Variants in SUGCT observed in about 807,000 individuals in gnomAD.
SUGCT encodes succinyl-CoA:glutarate-CoA transferase.
Under a neutral mutation model 55.0 loss-of-function variants are expected in SUGCT, and 41 were observed. That is an observed-to-expected ratio of 0.74 (90% CI 0.58 to 0.97). The LOEUF is 0.97. Ranked by LOEUF, SUGCT falls within the 50% of genes least tolerant of loss-of-function variation. SUGCT has a pLI of 0.00. For synonymous variants in SUGCT, 187 were observed against 200.4 expected, an observed-to-expected ratio of 0.93 and a Z score of 0.56; for missense variants, 568 against 547.8, an observed-to-expected ratio of 1.04 and a Z score of -0.37.
chr7:40,339,221 G>A (rs569943378), intron 9 of SUGCT, among the ~76,000 whole-genome samples: 1 of 152,304 alleles, frequency 6.6e-6, no homozygotes, highest in South Asian at 2.1e-4. Context: ...GGCAGTCTTA[G>A]CGTTCTCAGT....
At chr7:41,029,435 G>T in the SUGCT span, among the ~76,000 whole-genome samples, 1 of 152,096 alleles carries the variant, frequency 6.6e-6, no homozygotes, top group South Asian at 2.1e-4. Flanking sequence ...CACCTCTGTG[G>T]CTGGGGTCAG....
chr7:40,894,893 G>C, the SUGCT span, among the ~76,000 whole-genome samples: 421 of 152,260 alleles, frequency 2.8e-3, no homozygotes, highest in African/African-American at 9.3e-3. Context: ...CACGTAGAAA[G>C]CAATGTGTCA....
downstream of SUGCT, among the ~76,000 whole-genome samples, chr7:40,865,710 A>G (rs916137348): frequency 7.9e-5 from 12 of 152,144 alleles, no homozygotes; most frequent in African/African-American, 2.9e-4. Flanking sequence ...GTTCTGCTCC[A>G]GCGTCAGGCT....
chr7:40,858,608 C>T (rs1481072488), intron 13 of SUGCT, among the ~76,000 whole-genome samples: 1 of 152,048 alleles, frequency 6.6e-6, no homozygotes, highest in Non-Finnish European at 1.5e-5. Flanking sequence ...CAAAATGGAA[C>T]AGAGTTGGAG....
chr7:40,928,952 AC>A, the SUGCT span, among the ~76,000 whole-genome samples: 2 of 151,938 alleles, frequency 1.3e-5, no homozygotes, highest in Admixed American at 1.3e-4. Context: ...CTAAAATTGT[AC>A]TTTAAGTTCT....
intron 12 of SUGCT, among the ~76,000 whole-genome samples, chr7:40,604,488 C>T (rs948354229): frequency 5.3e-5 from 8 of 152,184 alleles, no homozygotes; most frequent in African/African-American, 1.4e-4. Flanking sequence ...GTATAAATAA[C>T]GTATTTAGGT....
intron 12 of SUGCT, among the ~76,000 whole-genome samples, chr7:40,630,862 A>G (rs905916341): frequency 2.6e-5 from 3 of 114,880 alleles, no homozygotes; most frequent in Non-Finnish European, 4.9e-5. Context: ...GTGTGTGTAG[A>G]TGTATATGAG....
intron 1 of SUGCT, among the ~76,000 whole-genome samples, chr7:40,142,414 T>G (rs1215472961): frequency 3.3e-5 from 5 of 152,188 alleles, no homozygotes. Context: ...GCTTAGTTGT[T>G]CTACAGATTT....
At chr7:40,200,437 T>TG (rs1786526355) in intron 6 of SUGCT, among the ~76,000 whole-genome samples, 1 of 151,728 alleles carries the variant, frequency 6.6e-6, no homozygotes, top group African/African-American at 2.4e-5. Flanking sequence ...AGGTTTTTTT[T>TG]TGAGGGGGGT....
At chr7:40,781,693 G>A (rs904906759) in intron 13 of SUGCT, among the ~76,000 whole-genome samples, 1 of 152,066 alleles carries the variant, frequency 6.6e-6, no homozygotes, top group Non-Finnish European at 1.5e-5. Flanking sequence ...ACTCAAAAGG[G>A]GTAACATGGG....
At chr7:40,599,745 C>T (rs1301602447) in intron 12 of SUGCT, among the ~76,000 whole-genome samples, 1 of 152,142 alleles carries the variant, frequency 6.6e-6, no homozygotes, top group African/African-American at 2.4e-5. Flanking sequence ...CTCTGGGCCT[C>T]TAGCTATACC....
rs147946937 is a variant in SUGCT, at chr7:40,184,291, T to C, written c.226+2263T>C. On this transcript the variant is annotated intron_variant, in intron 3 of 13. Coordinates refer to ENST00000335693, the MANE Select transcript of SUGCT (RefSeq NM_001193313.2). ...ATATAAACAGCTTGTTTTATTTTAT[T>C]TTTTTTTGAGACAGGTCTCACTCTG... 9.2e-5 allele frequency among the ~76,000 whole-genome samples: 14 copies of C among 152,060 alleles called. No individual in the cohort carries two copies. The East Asian group carries it at 2.7e-3, about 29-fold the overall frequency.
At chr7:40,949,762 T>G in the SUGCT span, among the ~76,000 whole-genome samples, 1 of 152,178 alleles carries the variant, frequency 6.6e-6, no homozygotes, top group Non-Finnish European at 1.5e-5. Flanking sequence ...ATCAGCTGGT[T>G]GTAGATGTGT....
At chr7:40,856,980 T>C (rs1279867038) in intron 13 of SUGCT, among the ~76,000 whole-genome samples, 2 of 152,210 alleles carry the variant, frequency 1.3e-5, no homozygotes, top group Non-Finnish European at 2.9e-5. Flanking sequence ...TATATAATAT[T>C]ACTCAGTGCC....
chr7:40,759,112 C>T (rs1006322486), intron 13 of SUGCT, among the ~76,000 whole-genome samples: 8 of 152,186 alleles, frequency 5.3e-5, no homozygotes, highest in Non-Finnish European at 1.0e-4. Context: ...CCTCCGTAGA[C>T]TTAAAGAATA....
chr7:40,461,846 C>T (rs1350055879), intron 11 of SUGCT, among the ~76,000 whole-genome samples: 3 of 152,160 alleles, frequency 2.0e-5, no homozygotes, highest in Non-Finnish European at 2.9e-5. Flanking sequence ...TGTTATTATT[C>T]CCACTTGATA....
chr7:40,689,643 A>C (rs1784604057), intron 12 of SUGCT, among the ~76,000 whole-genome samples: 1 of 152,148 alleles, frequency 6.6e-6, no homozygotes, highest in Non-Finnish European at 1.5e-5. Context: ...GGTGCAAATG[A>C]GATGAAACCA....
the SUGCT span, among the ~76,000 whole-genome samples, chr7:40,995,690 C>T: frequency 4.6e-5 from 7 of 151,930 alleles, no homozygotes; most frequent in Admixed American, 2.0e-4. Context: ...ATAATCATCA[C>T]GTAAAATGGC....
intron 9 of SUGCT, among the ~76,000 whole-genome samples, chr7:40,324,546 A>G (rs34058459): frequency 0.69 from 105,324 of 151,798 alleles, 36,876 homozygotes; most frequent in East Asian, 0.99. Flanking sequence ...ATGAGCCACC[A>G]CGCCCAGCCA....
Sources: allele counts gnomAD v4.1 joint callset (sites outside exome capture counted in the v4.1 genomes callset), GRCh38; gene constraint gnomAD v4.1.1; transcripts MANE v1.5; gene names NCBI Gene and HGNC (gene_info 2026-07-23, HGNC 2026-07-21).